CNIH1: variants seen among roughly 807,000 people sequenced by gnomAD.
CNIH1 encodes protein cornichon homolog 1.
In CNIH1, 12 loss-of-function variants were observed where a neutral mutation model predicts 20.2. The observed-to-expected ratio is 0.59, with a 90% confidence interval of 0.38 to 0.96. The LOEUF (loss-of-function observed/expected upper bound fraction) is 0.96, where lower values mean the gene tolerates loss of function less well. Among genes scored for constraint, CNIH1 ranks in the 40% least tolerant of loss-of-function variants. The pLI, the probability that CNIH1 is intolerant of heterozygous loss-of-function variation, is 0.00. For synonymous variants in CNIH1, 69 were observed against 63.3 expected (o/e 1.09, Z -0.43); for missense variants, 152 against 178.8 (o/e 0.85, Z 0.85).
At position 54,426,405 on chromosome 14, in the gene CNIH1, A is replaced by G. The variant is rs545941189; in HGVS notation, c.*1409T>C. ...GAGTAAGATTTCCACAAACGCATCCATAAACTTCCTTGATCATGTGAAATT... is the reference window on the plus strand; with the variant it reads ...GAGTAAGATTTCCACAAACGCATCCGTAAACTTCCTTGATCATGTGAAATT... On this transcript the variant is annotated 3_prime_UTR_variant, in exon 5 of 5. Coordinates refer to ENST00000216416, the MANE Select transcript of CNIH1 (RefSeq NM_005776.3). The G allele has an allele frequency of 6.6e-6, 1 of 152,354 alleles. No homozygotes were observed. The highest frequency in any genetic ancestry group is 2.1e-4 in the South Asian group (1 of 4,830). The allele number at this position is 152,354 out of a possible 1,614,324, so 9.4% of individuals were successfully genotyped here.
At chr14:54,433,374 G>T (rs2030987104) in intron 2 of CNIH1, among the ~76,000 whole-genome samples, 1 of 152,052 alleles carries the variant, frequency 6.6e-6, no homozygotes, top group African/African-American at 2.4e-5. Flanking sequence ...CTGTAGAGGG[G>T]ACTTTCTAAT....
intron 3 of CNIH1, among the ~76,000 whole-genome samples, chr14:54,430,828 G>GT (rs372723770): frequency 6.6e-6 from 1 of 151,260 alleles, no homozygotes; most frequent in African/African-American, 2.4e-5. Context: ...TTTTTGTTTT[G>GT]TTTTTTTGTT....
At chr14:54,431,021 T>C (rs533919693) in intron 3 of CNIH1, among the ~76,000 whole-genome samples, 1 of 152,010 alleles carries the variant, frequency 6.6e-6, no homozygotes, top group African/African-American at 2.4e-5. Context: ...AGGGGGGTTT[T>C]GCCACGTTGC....
rs2030856626 is a variant in CNIH1 at position 54,427,843 on chromosome 14, T to A, written c.408-2A>T. 1 of 1,613,260 alleles carries A rather than the reference T, an allele frequency of 6.2e-7. No homozygotes were observed. The highest frequency in any genetic ancestry group is 8.5e-7 in the Non-Finnish European group (1 of 1,179,716). On this transcript the variant is annotated splice_acceptor_variant, in intron 4 of 4. Coordinates refer to ENST00000216416, the MANE Select transcript of CNIH1 (RefSeq NM_005776.3). LOFTEE classifies it high-confidence loss of function. ...GAGCTCACCAAAACATAGATCATGC[T>A]GAAAAGAAGAAAAAAGATGTTAATT...
rs947510934 is a variant in CNIH1 at position 54,425,249 on chromosome 14, A to C, written c.*2565T>G. On this transcript the variant is annotated 3_prime_UTR_variant, in exon 5 of 5. Coordinates refer to ENST00000216416, the MANE Select transcript of CNIH1 (RefSeq NM_005776.3). ...AATCTGTGGTATCCATAGCAACAAAAAGTTGTTGGTATAGATATAACCACA... is the reference window on the plus strand; with the variant it reads ...AATCTGTGGTATCCATAGCAACAAACAGTTGTTGGTATAGATATAACCACA... The C allele has an allele frequency of 1.3e-5, 2 of 152,232 alleles. No individual in the cohort carries two copies. Among genetic ancestry groups the C allele is most frequent in the Admixed American group, 6.5e-5 (1 of 15,280 alleles). The allele number at this position is 152,232 out of a possible 1,614,324, so 9.4% of individuals were successfully genotyped here.
At chr14:54,431,634 C>T (rs1286971529) in intron 3 of CNIH1, among the ~76,000 whole-genome samples, 1 of 152,126 alleles carries the variant, frequency 6.6e-6, no homozygotes, top group Non-Finnish European at 1.5e-5. Context: ...CAAAATTAGT[C>T]ATAAACACAG....
intron 1 of CNIH1, among the ~76,000 whole-genome samples, chr14:54,438,827 G>T (rs1174490324): frequency 6.6e-6 from 1 of 152,226 alleles, no homozygotes; most frequent in Non-Finnish European, 1.5e-5. Context: ...CATGGGAGCA[G>T]ATCCCTCATG....
At chr14:54,428,911 T>C (rs527303743) in intron 4 of CNIH1, among the ~76,000 whole-genome samples, 132 of 152,326 alleles carry the variant, frequency 8.7e-4, no homozygotes, top group Non-Finnish European at 1.2e-3. Flanking sequence ...TGGAAACTTA[T>C]GTATGAAGAG....
chr14:54,426,584 CA>C lies in CNIH1; in HGVS notation c.*1229del, dbSNP rs1396407824. 6.6e-6 allele frequency: 1 copy of C among 152,268 alleles called. No homozygotes were observed. The highest frequency in any genetic ancestry group is 1.9e-4 in the East Asian group (1 of 5,182). 9.4% of individuals were successfully genotyped at this position (152,268 alleles called of 1,614,324 possible). The stretch of plus-strand genomic sequence containing the variant: ...TGCAAGCCATAATTTACCTGCCTTA[CA>C]AGCAGCAGCAAAAACTCAAATTTAC... On this transcript the variant is annotated 3_prime_UTR_variant, in exon 5 of 5. Transcript: ENST00000216416.
chr14:54,429,522 G>A (rs549012424), intron 4 of CNIH1, among the ~76,000 whole-genome samples: 69 of 152,356 alleles, frequency 4.5e-4, no homozygotes, highest in African/African-American at 1.5e-3. Flanking sequence ...ACTTTGGGAG[G>A]CCAAGGTGGG....
intron 4 of CNIH1, among the ~76,000 whole-genome samples, chr14:54,429,328 G>A (rs1367673005): frequency 1.3e-5 from 2 of 152,168 alleles, no homozygotes; most frequent in African/African-American, 4.8e-5. Context: ...GTGGGTAAAG[G>A]CCAGGGATGC....
intron 2 of CNIH1, chr14:54,435,978 T>C (rs1474965216): frequency 4.6e-6 from 3 of 650,356 alleles, no homozygotes; most frequent in African/African-American, 1.8e-5. Context: ...AACAGGCATA[T>C]GAACGAGCAC....
At chr14:54,429,249 G>A (rs911835515) in intron 4 of CNIH1, among the ~76,000 whole-genome samples, 1 of 152,208 alleles carries the variant, frequency 6.6e-6, no homozygotes, top group African/African-American at 2.4e-5. Context: ...TTGCCCCTCA[G>A]GACATCTGGC....
At chr14:54,428,543 A>C (rs1333513066) in intron 4 of CNIH1, among the ~76,000 whole-genome samples, 1 of 152,170 alleles carries the variant, frequency 6.6e-6, no homozygotes, top group East Asian at 1.9e-4. Context: ...AAACACAACA[A>C]ATGTCCTGGT....
intron 1 of CNIH1, 41 bp from the exon 2 acceptor site, chr14:54,436,478 T>C (rs1266953624): frequency 1.3e-5 from 15 of 1,119,300 alleles, no homozygotes; most frequent in Non-Finnish European, 2.0e-5. Context: ...TCACTTTAAT[T>C]AAAAGCAGCA....
chr14:54,436,276 T>G, intron 2 of CNIH1, 93 bp downstream of exon 2: 2 of 771,174 alleles, frequency 2.6e-6, no homozygotes, highest in Non-Finnish European at 4.6e-6. Context: ...AAATATATTA[T>G]GCTACTCAGA....
intron 3 of CNIH1, among the ~76,000 whole-genome samples, chr14:54,431,863 T>C (rs1294869867): frequency 6.6e-6 from 1 of 152,186 alleles, no homozygotes; most frequent in African/African-American, 2.4e-5. Flanking sequence ...CATTGAGCTA[T>C]ATACTTCAGA....
chr14:54,433,806 C>T (rs7157876), intron 2 of CNIH1, among the ~76,000 whole-genome samples: 19,223 of 151,986 alleles, frequency 0.13, 1,306 homozygotes, highest in Non-Finnish European at 0.15. Context: ...AGCATGAACC[C>T]CTCCCGCTCT....
At chr14:54,436,030 C>T in intron 2 of CNIH1, 1 of 700,252 alleles carries the variant, frequency 1.4e-6, no homozygotes, top group East Asian at 2.7e-5. Flanking sequence ...TAACCCTCCC[C>T]ATGAAATGAA....
Sources: gnomAD v4.1 joint callset for allele counts (sites outside exome capture counted in the v4.1 genomes callset) on GRCh38, gnomAD v4.1.1 for gene constraint, MANE v1.5 for transcripts, NCBI Gene and HGNC (gene_info 2026-07-23, HGNC 2026-07-21) for gene names.